ADAM23: variants seen among roughly 807,000 people sequenced by gnomAD.
ADAM23 encodes the protein disintegrin and metalloproteinase domain-containing protein 23.
A neutral mutation model predicts 120.1 loss-of-function variants in ADAM23; 33 were observed. The observed-to-expected ratio is 0.27, with a 90% CI of 0.21 to 0.37. The LOEUF (loss-of-function observed/expected upper bound fraction) is 0.37. Ranked by LOEUF, ADAM23 falls within the 10% of genes least tolerant of loss-of-function variation. ADAM23 has a pLI of 1.00. For missense variants in ADAM23, 862 were observed against 1,058.2 expected (o/e 0.81, Z 2.57); for synonymous variants, 367 against 375.2 (o/e 0.98, Z 0.25).
intron 4 of ADAM23, among the ~76,000 whole-genome samples, chr2:206,538,391 G>T (rs572709287): frequency 6.6e-6 from 1 of 152,202 alleles, no homozygotes; most frequent in Admixed American, 6.5e-5. Flanking sequence ...GCATATCCTA[G>T]TAGTTGATAA....
chr2:206,583,860 A>G (rs1049407830), intron 18 of ADAM23, among the ~76,000 whole-genome samples: 1 of 151,996 alleles, frequency 6.6e-6, no homozygotes, highest in African/African-American at 2.4e-5. Flanking sequence ...TTTCAGGTAA[A>G]TCAGGAATTT....
Position 206,533,239 on chromosome 2 carries a change from C to T in ADAM23, c.573+2291C>T, listed in dbSNP as rs371383962. 3.2e-3 allele frequency among the ~76,000 whole-genome samples: 490 copies of T among 152,062 alleles called. 5 individuals carry two copies. The highest frequency in any genetic ancestry group is 0.011 in the African/African-American group (465 of 41,476). On this transcript the variant is annotated intron_variant, in intron 4 of 25. Coordinates refer to ENST00000264377, the MANE Select transcript of ADAM23 (RefSeq NM_003812.4). ...TTTTTGAGATGGAGTTTTGCTTTTA[C>T]TGCCCAGGCTAGAGTGCAGTGGTGC...
chr2:206,459,122 C>T (rs1695360818), intron 2 of ADAM23, among the ~76,000 whole-genome samples: 3 of 152,182 alleles, frequency 2.0e-5, no homozygotes, highest in African/African-American at 7.2e-5. Context: ...TTACTGTGGA[C>T]AGCCCTGTGT....
intron 3 of ADAM23, among the ~76,000 whole-genome samples, chr2:206,527,031 C>T (rs527757950): frequency 2.0e-4 from 30 of 152,262 alleles, no homozygotes; most frequent in African/African-American, 7.0e-4. Context: ...TTATAAAGGT[C>T]ACTCCTCTTT....
rs563865506 is a variant in ADAM23, at chr2:206,538,965, A to G, written c.574-3087A>G. Among the ~76,000 whole-genome samples, 72 of 152,088 alleles carry G rather than the reference A, an allele frequency of 4.7e-4. 1 individual carries two copies. The highest frequency in any genetic ancestry group is 1.1e-3 in the African/African-American group (46 of 41,520). On this transcript the variant is annotated intron_variant, in intron 4 of 25. Coordinates refer to ENST00000264377, the MANE Select transcript of ADAM23 (RefSeq NM_003812.4). ...CAGAGAACTGGATCTTTTTTTCCCT[A>G]CAAGTTGTAATCACTAGACTCACAA...
chr2:206,499,021 A>C (rs1485940360), intron 3 of ADAM23, among the ~76,000 whole-genome samples: 1 of 152,128 alleles, frequency 6.6e-6, no homozygotes, highest in African/African-American at 2.4e-5. Context: ...GATGTGGAGA[A>C]ATAGGAACAC....
intron 3 of ADAM23, among the ~76,000 whole-genome samples, chr2:206,509,007 C>A (rs1696565391): frequency 6.6e-6 from 1 of 152,206 alleles, no homozygotes; most frequent in Admixed American, 6.5e-5. Flanking sequence ...ACTTGTTCAT[C>A]CTCAGTAGTG....
intron 2 of ADAM23, among the ~76,000 whole-genome samples, chr2:206,474,905 C>T (rs928062493): frequency 5.3e-5 from 8 of 152,084 alleles, no homozygotes; most frequent in Non-Finnish European, 7.4e-5. Flanking sequence ...ATTTAATCCT[C>T]GCACACATCA....
At chr2:206,466,600 C>T (rs1695546407) in intron 2 of ADAM23, among the ~76,000 whole-genome samples, 1 of 152,176 alleles carries the variant, frequency 6.6e-6, no homozygotes, top group Non-Finnish European at 1.5e-5. Context: ...ATATGTCTCT[C>T]ATTTACTCAC....
At chr2:206,457,328 T>C (rs1574477514) in intron 2 of ADAM23, among the ~76,000 whole-genome samples, 2 of 152,318 alleles carry the variant, frequency 1.3e-5, no homozygotes, top group South Asian at 2.1e-4. Context: ...CCCAAACAAG[T>C]CAGGTCAGTT....
intron 24 of ADAM23, among the ~76,000 whole-genome samples, chr2:206,599,331 A>C (rs1224066823): frequency 6.6e-6 from 1 of 152,166 alleles, no homozygotes; most frequent in Non-Finnish European, 1.5e-5. Context: ...AATTATTAAA[A>C]ACCTTATGAA....
intron 3 of ADAM23, among the ~76,000 whole-genome samples, chr2:206,500,724 C>T (rs973579211): frequency 4.6e-5 from 7 of 152,108 alleles, no homozygotes; most frequent in African/African-American, 1.7e-4. Context: ...TCTGCTTCCA[C>T]CTGTGTGAGG....
chr2:206,538,222 A>G (rs1697220359), intron 4 of ADAM23, among the ~76,000 whole-genome samples: 1 of 152,204 alleles, frequency 6.6e-6, no homozygotes, highest in Admixed American at 6.5e-5. Flanking sequence ...ATTATTTAAT[A>G]ATTTGTGTGT....
intron 18 of ADAM23, among the ~76,000 whole-genome samples, chr2:206,578,303 C>T (rs894445452): frequency 2.0e-5 from 3 of 152,088 alleles, no homozygotes; most frequent in African/African-American, 4.8e-5. Flanking sequence ...ATCCATCACC[C>T]GAGCAGTATA....
At chr2:206,569,184 A>C (rs1314880267) in intron 15 of ADAM23, among the ~76,000 whole-genome samples, 1 of 152,168 alleles carries the variant, frequency 6.6e-6, no homozygotes, top group African/African-American at 2.4e-5. Context: ...TGAGGAAACA[A>C]CTCTCACTTG....
intron 2 of ADAM23, among the ~76,000 whole-genome samples, chr2:206,475,784 A>G (rs1695762217): frequency 6.6e-6 from 1 of 152,122 alleles, no homozygotes; most frequent in African/African-American, 2.4e-5. Context: ...TCTCAAAAAA[A>G]GGTGATGTTT....
At chr2:206,578,646 A>T (rs545720645) in intron 18 of ADAM23, among the ~76,000 whole-genome samples, 1 of 152,044 alleles carries the variant, frequency 6.6e-6, no homozygotes, top group Admixed American at 6.6e-5. Context: ...GGGTTGGTTG[A>T]TGGTCATTTG....
intron 14 of ADAM23, among the ~76,000 whole-genome samples, 194 bp downstream of exon 14, chr2:206,565,262 A>G (rs1328678220): frequency 2.6e-5 from 4 of 152,214 alleles, no homozygotes; most frequent in Non-Finnish European, 5.9e-5. Context: ...GGTTGGTGAT[A>G]AAAGTAAAAT....
In ADAM23 at chr2:206,587,335, A is replaced by G; in HGVS notation, c.1748A>G (p.Asn583Ser). 2 of 1,607,898 alleles carry G rather than the reference A, an allele frequency of 1.2e-6. No individual in the cohort carries two copies. Among genetic ancestry groups the G allele is most frequent in the East Asian group, 2.2e-5 (1 of 44,706 alleles). Residue 583 changes from asparagine to serine, a missense_variant, in exon 19 of 26, where the codon AAT becomes AGT. By Grantham distance (46) the Asn-to-Ser change is conservative (BLOSUM62 1). Around this residue, in one of 4 missense-constraint regions of ADAM23, gnomAD observed 617 missense variants for 813.5 expected, o/e 0.76. Coordinates refer to ENST00000264377, the MANE Select transcript of ADAM23 (RefSeq NM_003812.4). ...GATAATATTTTGCAGTGCCCACCAA[A>G]TCTTCATAAGCAAGACGGATATGCA... ...CTGDSGQCPP[N>S]LHKQDGYACN...
Sources: allele counts gnomAD v4.1 joint callset (sites outside exome capture counted in the v4.1 genomes callset), GRCh38; gene constraint gnomAD v4.1.1; regional missense constraint gnomAD v4.1.1; transcripts MANE v1.5; gene names NCBI Gene and HGNC (gene_info 2026-07-23, HGNC 2026-07-21).